The following DCAF6 variants were observed in gnomAD, a reference collection of about 807,000 sequenced individuals.
DCAF6 encodes the protein DDB1- and CUL4-associated factor 6.
In DCAF6, 54 loss-of-function variants were observed where a neutral mutation model predicts 125.1. The observed-to-expected ratio is 0.43, with a 90% CI of 0.35 to 0.54. DCAF6 has a LOEUF of 0.54. DCAF6 is among the 20% of genes least tolerant of loss of function. The probability of loss-of-function intolerance (pLI) is 0.01; values close to 1 mark genes in which losing one functional copy is unlikely to be tolerated. For synonymous variants in DCAF6, 371 were observed against 390.4 expected (o/e 0.95, Z 0.58); for missense variants, 934 against 1,161.7 (o/e 0.80, Z 2.85).
intron 1 of DCAF6, among the ~76,000 whole-genome samples, chr1:167,940,797 G>A (rs190063985): frequency 6.6e-6 from 1 of 150,714 alleles, no homozygotes; most frequent in African/African-American, 2.4e-5. Context: ...TTAAAAGATA[G>A]TAATTGATAA....
chr1:167,919,795 T>C, the DCAF6 span, among the ~76,000 whole-genome samples: 1 of 152,122 alleles, frequency 6.6e-6, no homozygotes, highest in East Asian at 1.9e-4. Context: ...CCTAGACTTT[T>C]CTAGAAATGT....
intron 10 of DCAF6, 126 bp downstream of exon 10, chr1:168,004,919 A>G (rs1683139980): frequency 3.7e-6 from 4 of 1,084,114 alleles, no homozygotes; most frequent in Non-Finnish European, 5.1e-6. Context: ...ATGACATGTA[A>G]TATATGGTTA....
intron 11 of DCAF6, among the ~76,000 whole-genome samples, chr1:168,020,993 G>C (rs202265): frequency 0.45 from 68,814 of 151,906 alleles, 17,537 homozygotes; most frequent in African/African-American, 0.69. Context: ...CTATGGCAGA[G>C]TAAAACCAAA....
chr1:168,047,112 C>G (rs1689231539), intron 16 of DCAF6, among the ~76,000 whole-genome samples: 1 of 151,962 alleles, frequency 6.6e-6, no homozygotes, highest in Non-Finnish European at 1.5e-5. Flanking sequence ...AAACACAGTA[C>G]TATAACATTA....
the DCAF6 span, among the ~76,000 whole-genome samples, chr1:167,903,234 A>C: frequency 2.4e-4 from 35 of 143,054 alleles, no homozygotes; most frequent in East Asian, 2.6e-3. Flanking sequence ...CCAGCCTGGG[A>C]GACAGAGTGA....
intron 5 of DCAF6, among the ~76,000 whole-genome samples, chr1:167,989,129 GT>G (rs1042121010): frequency 1.3e-5 from 2 of 152,018 alleles, no homozygotes; most frequent in African/African-American, 4.8e-5. Context: ...AGTTTAATCA[GT>G]TTTTTTGTTA....
intron 1 of DCAF6, among the ~76,000 whole-genome samples, chr1:167,938,401 T>C (rs1444875154): frequency 1.3e-5 from 2 of 152,220 alleles, no homozygotes; most frequent in African/African-American, 2.4e-5. Flanking sequence ...AATTATTACA[T>C]AGTAGGTAAC....
chr1:168,044,712 T>C (rs745395404), intron 15 of DCAF6, 41 bp downstream of exon 15: 1 of 1,529,850 alleles, frequency 6.5e-7, no homozygotes, highest in Admixed American at 1.7e-5. Context: ...TATGGGAAAA[T>C]AAAAAGCCTT....
the DCAF6 span, among the ~76,000 whole-genome samples, chr1:167,876,536 C>T: frequency 6.6e-6 from 1 of 152,174 alleles, no homozygotes; most frequent in Non-Finnish European, 1.5e-5. Flanking sequence ...TAACATACAG[C>T]TAAGTTTGTG....
intron 13 of DCAF6, 70 bp from the exon 14 acceptor site, chr1:168,042,955 A>G: frequency 8.6e-7 from 1 of 1,159,252 alleles, no homozygotes. Context: ...CTAGTTGTAA[A>G]ATATAAAAAT....
intron 3 of DCAF6, among the ~76,000 whole-genome samples, chr1:167,967,690 C>G (rs906570701): frequency 6.8e-6 from 1 of 147,402 alleles, no homozygotes; most frequent in African/African-American, 2.5e-5. Flanking sequence ...TTTTTCTCTC[C>G]TGATTGTCTT....
the DCAF6 span, among the ~76,000 whole-genome samples, chr1:167,882,022 T>G: frequency 2.0e-5 from 3 of 152,342 alleles, no homozygotes; most frequent in Admixed American, 2.0e-4. Flanking sequence ...CTTTTCGTCT[T>G]CTATGAAATG....
chr1:167,893,801 C>G, the DCAF6 span: 1 of 1,227,204 alleles, frequency 8.1e-7, no homozygotes, highest in Non-Finnish European at 1.2e-6. Context: ...AAAATTCCAG[C>G]TGTCCAGATC....
intron 17 of DCAF6, chr1:168,056,228 G>C: frequency 1.2e-6 from 2 of 1,612,356 alleles, no homozygotes; most frequent in Non-Finnish European, 8.5e-7. Context: ...CTGTTCCAAT[G>C]CCATTTTCTG....
the DCAF6 span, chr1:167,920,690 C>A: frequency 1.3e-6 from 2 of 1,503,092 alleles, no homozygotes; most frequent in South Asian, 1.3e-5. Context: ...ATAGTTTTAA[C>A]TTTAAATCAA....
intron 1 of DCAF6, among the ~76,000 whole-genome samples, chr1:167,937,639 C>T (rs1671516551): frequency 6.6e-6 from 1 of 152,194 alleles, no homozygotes; most frequent in African/African-American, 2.4e-5. Flanking sequence ...TTCCTCTTCC[C>T]ACCCCTGGAA....
the DCAF6 span, among the ~76,000 whole-genome samples, chr1:167,881,566 C>T: frequency 2.0e-5 from 3 of 152,170 alleles, no homozygotes; most frequent in South Asian, 2.1e-4. Context: ...ATTTATGTAG[C>T]GGCCTGGCAA....
At chr1:168,073,576 T>G (rs1693404507) in intron 21 of DCAF6, among the ~76,000 whole-genome samples, 1 of 152,166 alleles carries the variant, frequency 6.6e-6, no homozygotes, top group East Asian at 1.9e-4. Flanking sequence ...CTCCCTGATT[T>G]AAAGGCTGTG....
chr1:167,867,155 A>G, the DCAF6 span, among the ~76,000 whole-genome samples: 2 of 152,200 alleles, frequency 1.3e-5, no homozygotes, highest in Non-Finnish European at 2.9e-5. Context: ...ATAACTGTGT[A>G]GAAGTGTTGG....
Sources: gnomAD v4.1 joint callset for allele counts (sites outside exome capture counted in the v4.1 genomes callset) on GRCh38, gnomAD v4.1.1 for gene constraint, MANE v1.5 for transcripts, NCBI Gene and HGNC (gene_info 2026-07-23, HGNC 2026-07-21) for gene names.